Variants in SVEP1 observed in about 807,000 individuals in gnomAD.
The protein encoded by SVEP1 is sushi, von Willebrand factor type A, EGF and pentraxin domain containing 1.
Under a neutral mutation model 367.3 loss-of-function variants are expected in SVEP1, and 164 were observed. That is an observed-to-expected ratio of 0.45 (90% CI 0.39 to 0.51). The LOEUF is 0.51. Among genes scored for constraint, SVEP1 ranks in the 20% least tolerant of loss-of-function variants. The probability of loss-of-function intolerance (pLI) is 0.00; values close to 1 mark genes in which losing one functional copy is unlikely to be tolerated. For missense variants in SVEP1, 4,117 were observed against 4,425.3 expected (o/e 0.93, Z 1.98); for synonymous variants, 1,666 against 1,611.6 (o/e 1.03, Z -0.81).
intron 5 of SVEP1, 87 bp downstream of exon 5, chr9:110,512,839 A>G: frequency 2.0e-6 from 3 of 1,490,054 alleles, no homozygotes; most frequent in Non-Finnish European, 2.8e-6. Context: ...CCAAAAAGAA[A>G]TGAAGAACTG....
At chr9:110,375,487 AAAAG>A (rs1317911451) in intron 45 of SVEP1, 24 bp from the exon 46 acceptor site, 2 of 1,408,896 alleles carry the variant, frequency 1.4e-6, no homozygotes, top group African/African-American at 1.5e-5. Context: ...AAAAAAAAAA[AAAAG>A]GAGGCAGGGG....
chr9:110,555,221 G>GA (rs778890052), intron 1 of SVEP1, among the ~76,000 whole-genome samples: 247 of 132,074 alleles, frequency 1.9e-3, no homozygotes, highest in Middle Eastern at 4.0e-3. Context: ...GAGAAGTGGG[G>GA]AAAAAAAAAA....
Position 110,369,897 on chromosome 9 carries a change from C to T in SVEP1, c.10694+26G>A, listed in dbSNP as rs370431966. 743 of 1,591,338 alleles carry T rather than the reference C, an allele frequency of 4.7e-4. 1 individual carries two copies. Among genetic ancestry groups the T allele is most frequent in the South Asian group, 7.1e-4 (63 of 88,594 alleles). The stretch of plus-strand genomic sequence containing the variant: ...AATTTTAGAGTCTTCATGTTATAGG[C>T]GAACATTAGTTTTTGGTTATCTTAC... On this transcript the variant is annotated intron_variant, in intron 47 of 47. Transcript: ENST00000374469.
chr9:110,484,588 C>T (rs1294588312), intron 9 of SVEP1, among the ~76,000 whole-genome samples: 2 of 152,150 alleles, frequency 1.3e-5, no homozygotes, highest in Non-Finnish European at 2.9e-5. Flanking sequence ...CAAAAATTGA[C>T]AAATGGGATC....
intron 41 of SVEP1, 80 bp from the exon 42 acceptor site, chr9:110,387,538 T>C: frequency 7.3e-7 from 1 of 1,378,642 alleles, no homozygotes; most frequent in South Asian, 1.5e-5. Flanking sequence ...GCCAAAGATA[T>C]TTCATGGAAT....
At chr9:110,427,202 G>A (rs1304802389) in intron 36 of SVEP1, among the ~76,000 whole-genome samples, 1 of 150,400 alleles carries the variant, frequency 6.6e-6, no homozygotes, top group Non-Finnish European at 1.5e-5. Context: ...GGAGGCTGAG[G>A]CATGAGAATT....
intron 47 of SVEP1, among the ~76,000 whole-genome samples, chr9:110,368,590 G>A (rs1005479433): frequency 2.0e-5 from 3 of 152,068 alleles, no homozygotes; most frequent in African/African-American, 7.2e-5. Flanking sequence ...CTCTCTCTGG[G>A]CTTTTCTTTA....
intron 10 of SVEP1, 103 bp from the exon 11 acceptor site, chr9:110,482,595 C>T (rs559017044): frequency 2.8e-4 from 373 of 1,326,308 alleles, no homozygotes; most frequent in Non-Finnish European, 3.6e-4. Flanking sequence ...GGCATGATCT[C>T]GGCTCACTGC....
chr9:110,482,616 TC>T, intron 10 of SVEP1, 124 bp from the exon 11 acceptor site: 2 of 1,130,020 alleles, frequency 1.8e-6, no homozygotes, highest in South Asian at 1.8e-5. Flanking sequence ...AACCTCCACC[TC>T]CCAGGCTCAA....
intron 5 of SVEP1, 142 bp downstream of exon 5, chr9:110,512,784 A>G (rs1275996622): frequency 9.9e-7 from 1 of 1,005,050 alleles, no homozygotes; most frequent in African/African-American, 1.6e-5. Flanking sequence ...CTGATTTCAA[A>G]TTTCCTATAA....
At chr9:110,437,698 T>C (rs1828451960) in intron 27 of SVEP1, among the ~76,000 whole-genome samples, 1 of 152,172 alleles carries the variant, frequency 6.6e-6, no homozygotes, top group Non-Finnish European at 1.5e-5. Flanking sequence ...CATGGATAAC[T>C]TCTTTAGTGG....
At chr9:110,577,965 T>C (rs984215783) in intron 1 of SVEP1, among the ~76,000 whole-genome samples, 9 of 152,216 alleles carry the variant, frequency 5.9e-5, no homozygotes, top group African/African-American at 2.2e-4. Context: ...TTGGTGAATA[T>C]GTGGCAAATT....
At chr9:110,435,004 A>G (rs887362113) in intron 29 of SVEP1, among the ~76,000 whole-genome samples, 3 of 152,086 alleles carry the variant, frequency 2.0e-5, no homozygotes, top group Non-Finnish European at 4.4e-5. Flanking sequence ...TTTTCCTGAT[A>G]TTATTTTACT....
At chr9:110,481,191 G>A in intron 12 of SVEP1, 51 bp downstream of exon 12, 1 of 1,286,236 alleles carries the variant, frequency 7.8e-7, no homozygotes, top group Non-Finnish European at 1.0e-6. Context: ...ACTTAGAAAT[G>A]TACACACATT....
intron 14 of SVEP1, among the ~76,000 whole-genome samples, chr9:110,473,918 A>AT (rs1262171025): frequency 1.3e-5 from 2 of 152,228 alleles, no homozygotes; most frequent in South Asian, 2.1e-4. Context: ...TATGAATATG[A>AT]TTTTTTCCCC....
intron 35 of SVEP1, among the ~76,000 whole-genome samples, 168 bp downstream of exon 35, chr9:110,428,975 G>A (rs1212104056): frequency 6.6e-6 from 1 of 152,170 alleles, no homozygotes; most frequent in Non-Finnish European, 1.5e-5. Flanking sequence ...AGGCTGAAGT[G>A]GGAGGATCGC....
intron 40 of SVEP1, among the ~76,000 whole-genome samples, chr9:110,392,743 A>T (rs1827684417): frequency 6.6e-6 from 1 of 152,232 alleles, no homozygotes; most frequent in East Asian, 1.9e-4. Flanking sequence ...TAATTTTTTT[A>T]AAAGTATCAT....
intron 21 of SVEP1, 69 bp downstream of exon 21, chr9:110,457,187 T>C: frequency 2.3e-6 from 3 of 1,290,986 alleles, no homozygotes; most frequent in Non-Finnish European, 3.2e-6. Context: ...TGTACTAAAG[T>C]TTGATACTGC....
rs570950723 is a variant in SVEP1 at position 110,408,129 on chromosome 9, G to T, written c.7471C>A (p.Pro2491Thr). Residue 2491 changes from proline to threonine, a missense_variant, in exon 38 of 48, where the codon CCA becomes ACA. Transcript: ENST00000374469. ...GENGHWLGGK[P>T]TCKAIECLKP... ...AGGCACTCAATGGCTTTACATGTTG[G>T]TTTTCCTCCAAGCCAGTGACCATTT... 4 of 1,613,722 alleles carry T rather than the reference G, an allele frequency of 2.5e-6. No homozygotes were observed. The highest frequency in any genetic ancestry group is 3.4e-6 in the Non-Finnish European group (4 of 1,179,808).
Sources: gnomAD v4.1 joint callset for allele counts (sites outside exome capture counted in the v4.1 genomes callset) on GRCh38, gnomAD v4.1.1 for gene constraint, MANE v1.5 for transcripts, NCBI Gene and HGNC (gene_info 2026-07-23, HGNC 2026-07-21) for gene names.